The following RAP1GAP2 variants were observed in gnomAD, a reference collection of about 807,000 sequenced individuals.
The protein encoded by RAP1GAP2 is rap1 GTPase-activating protein 2.
In RAP1GAP2, 27 loss-of-function variants were observed where a neutral mutation model predicts 95.0. The ratio of observed to expected loss-of-function variants is 0.28; its 90% confidence interval spans 0.21 to 0.39. RAP1GAP2 has a LOEUF of 0.39. RAP1GAP2 is among the 10% of genes least tolerant of loss of function. The pLI is 1.00. For missense variants in RAP1GAP2, 771 were observed against 970.0 expected (o/e 0.79, Z 2.72); for synonymous variants, 373 against 380.9 (o/e 0.98, Z 0.24).
chr17:2,922,503 C>G (rs75508303), intron 3 of RAP1GAP2, among the ~76,000 whole-genome samples: 5,009 of 152,216 alleles, frequency 0.033, 122 homozygotes, highest in African/African-American at 0.068. Flanking sequence ...TGGTGAGGTC[C>G]CCGAGGTCTG....
chr17:2,996,652 C>T (rs34348609), intron 13 of RAP1GAP2, among the ~76,000 whole-genome samples: 10,670 of 152,334 alleles, frequency 0.07, 439 homozygotes, highest in East Asian at 0.2. Context: ...CCTGCTGCCC[C>T]GGCCTGGGCC....
Position 3,029,339 on chromosome 17 carries a change from CT to C in RAP1GAP2, c.2108-1582del. Among the ~76,000 whole-genome samples, 1 of 152,156 alleles carries C rather than the reference CT, an allele frequency of 6.6e-6. No individual in the cohort carries two copies. On this transcript the variant is annotated intron_variant, in intron 22 of 24. Transcript: ENST00000254695. This position sits in a 1 kb window ranked among gnomAD's most constrained non-coding sequence, Gnocchi z 4.4. ...GTGCTTCCCACACCACACGGTGAGG[CT>C]GCCTCTTACACACCTTTTCTCCACA...
rs186391210 is a variant in RAP1GAP2 at position 2,919,857 on chromosome 17, T to C, written c.165+14489T>C. Among the ~76,000 whole-genome samples, 766 of 151,570 alleles carry C rather than the reference T, an allele frequency of 5.1e-3. 3 individuals are homozygous for C. Among genetic ancestry groups the C allele is most frequent in the African/African-American group, 0.018 (727 of 41,268 alleles). ...AGCTGGGATTACAGGCACCGCCCCA[T>C]ACCTGGTTAATTTTTGTATTTGTAG... On this transcript the variant is annotated intron_variant, in intron 3 of 24. Coordinates refer to ENST00000254695, the MANE Select transcript of RAP1GAP2 (RefSeq NM_015085.5).
chr17:2,778,983 G>A (rs937334884), intron 1 of RAP1GAP2, among the ~76,000 whole-genome samples: 2 of 152,198 alleles, frequency 1.3e-5, no homozygotes, highest in East Asian at 1.9e-4. Flanking sequence ...ATTCGCTCCC[G>A]TGTGGACTTC....
intron 17 of RAP1GAP2, 146 bp from the exon 18 acceptor site, chr17:3,017,915 C>CTG (rs1191051416): frequency 1.5e-5 from 9 of 584,938 alleles, no homozygotes; most frequent in African/African-American, 2.6e-5. Context: ...GCCTCTGTGA[C>CTG]CGTGTGTGTG....
intron 3 of RAP1GAP2, among the ~76,000 whole-genome samples, chr17:2,944,947 A>G (rs554215624): frequency 6.7e-4 from 102 of 152,278 alleles, no homozygotes; most frequent in Non-Finnish European, 8.7e-4. Flanking sequence ...CAGTGGCACT[A>G]TCTCGGCTCA....
At chr17:2,826,147 A>ATTTTT (rs71150901) in intron 2 of RAP1GAP2, among the ~76,000 whole-genome samples, 95 of 108,838 alleles carry the variant, frequency 8.7e-4, no homozygotes, top group Non-Finnish European at 1.1e-3. Context: ...CGCCCAGCAA[A>ATTTTT]TTTTTTTTTT....
intron 1 of RAP1GAP2, among the ~76,000 whole-genome samples, chr17:2,780,670 G>A (rs989489090): frequency 3.3e-5 from 5 of 152,240 alleles, no homozygotes; most frequent in Admixed American, 1.3e-4. Flanking sequence ...CTGCCTGCAG[G>A]CAGGGTCACA....
chr17:2,996,737 C>T (rs768345513), intron 13 of RAP1GAP2, among the ~76,000 whole-genome samples: 1 of 152,224 alleles, frequency 6.6e-6, no homozygotes, highest in Non-Finnish European at 1.5e-5. Context: ...CAGGGCTCGG[C>T]TCTTGGCGGG....
chr17:2,953,325 G>A (rs2043983549), intron 3 of RAP1GAP2, among the ~76,000 whole-genome samples: 1 of 151,896 alleles, frequency 6.6e-6, no homozygotes, highest in African/African-American at 2.4e-5. Context: ...TCAGCCTCCT[G>A]TGTAGCTAGG....
At position 3,018,198 on chromosome 17, in the gene RAP1GAP2, G is replaced by A. The variant is rs1449064561; in HGVS notation, c.1632G>A (p.Ser544=). ...NSMEVTKTTF[S]PPVVAATVKN... is the part of the protein sequence containing the mutation. ...TGGAGGTCACCAAGACCACCTTCTC[G>A]GTGAGTGCTGGCAGGCCCCGGGGCG... Residue 544 remains serine, a splice_region_variant and synonymous_variant, in exon 18 of 25, where the codon TCG becomes TCA. Coordinates refer to ENST00000254695, the MANE Select transcript of RAP1GAP2 (RefSeq NM_015085.5). 3.8e-6 allele frequency: 6 copies of A among 1,564,364 alleles called. No individual in the cohort carries two copies. Among genetic ancestry groups the A allele is most frequent in the East Asian group, 2.4e-5 (1 of 41,670 alleles).
In RAP1GAP2 at chr17:2,949,482, T is replaced by C. The variant is rs115354357; in HGVS notation, c.166-8277T>C. Among the ~76,000 whole-genome samples, 526 of 152,040 alleles carry C rather than the reference T, an allele frequency of 3.5e-3. 4 individuals carry two copies. The highest frequency in any genetic ancestry group is 0.012 in the African/African-American group (477 of 41,448). ...CCCTGAGCATTAACTGAGTGCCTGT[T>C]GTGTGCCCTGAGCATTAACTGAGTG... On this transcript the variant is annotated intron_variant, in intron 3 of 24. Coordinates refer to ENST00000254695, the MANE Select transcript of RAP1GAP2 (RefSeq NM_015085.5).
chr17:2,991,671 A>G (rs1382255482), intron 12 of RAP1GAP2, among the ~76,000 whole-genome samples: 1 of 152,196 alleles, frequency 6.6e-6, no homozygotes, highest in Non-Finnish European at 1.5e-5. Flanking sequence ...CTGAGAATGG[A>G]AGGAATCCAC....
At position 2,914,576 on chromosome 17, in the gene RAP1GAP2, T is replaced by C. The variant is rs184888517; in HGVS notation, c.165+9208T>C. On this transcript the variant is annotated intron_variant, in intron 3 of 24. Transcript: ENST00000254695. ...CCCGATCTCAGCTCACTGCAAGCTC[T>C]GCCTCCTGGGTTCACACCATTCTCC... Among the ~76,000 whole-genome samples the C allele has an allele frequency of 8.9e-4, 134 of 151,058 alleles. No individual in the cohort carries two copies. In the East Asian group the frequency reaches 0.022, roughly 25 times the overall value.
chr17:2,833,617 G>T (rs1394276697), intron 2 of RAP1GAP2, among the ~76,000 whole-genome samples: 3 of 149,496 alleles, frequency 2.0e-5, no homozygotes, highest in Non-Finnish European at 3.0e-5. Flanking sequence ...ATGAACCTGG[G>T]AGGCGGAGCT....
chr17:2,886,774 G>T (rs1488709302), intron 2 of RAP1GAP2, among the ~76,000 whole-genome samples: 2 of 152,156 alleles, frequency 1.3e-5, no homozygotes, highest in African/African-American at 2.4e-5. Context: ...CACCAGAGCG[G>T]CAGGGGTCGG....
chr17:2,836,343 T>G (rs986606696), intron 2 of RAP1GAP2, among the ~76,000 whole-genome samples: 1 of 151,906 alleles, frequency 6.6e-6, no homozygotes, highest in Admixed American at 6.6e-5. Flanking sequence ...TTAAGGAACC[T>G]GGCTTTGGCC....
chr17:2,985,569 C>T lies in RAP1GAP2; in HGVS notation c.813+503C>T, dbSNP rs187716783. Among the ~76,000 whole-genome samples the T allele has an allele frequency of 2.0e-5, 3 of 152,282 alleles. No individual in the cohort carries two copies. In the East Asian group the frequency reaches 5.8e-4, roughly 29 times the overall value. ...GAAGTATTTACACTATGGAAATTTG[C>T]AAACACCAGGGTTTCTATCTTCCTC... On this transcript the variant is annotated intron_variant, in intron 11 of 24. Transcript: ENST00000254695.
chr17:2,903,629 GAA>G lies in RAP1GAP2; in HGVS notation c.81-1653_81-1652del, dbSNP rs1294261691. On this transcript the variant is annotated intron_variant, in intron 2 of 24. Coordinates refer to ENST00000254695, the MANE Select transcript of RAP1GAP2 (RefSeq NM_015085.5). The surrounding 1 kb of genome is among the most constrained non-coding windows in gnomAD (Gnocchi z 4.1). ...TACATCAACAAGGTCCAGGAAGAAA[GAA>G]AGAGGAAGGGAGATGGGGAGCAGGA... is the stretch of plus-strand genomic sequence containing the variant. Among the ~76,000 whole-genome samples the G allele has an allele frequency of 2.0e-5, 3 of 152,236 alleles. No individual in the cohort carries two copies. The highest frequency in any genetic ancestry group is 1.3e-4 in the Admixed American group (2 of 15,290).
Sources: gnomAD v4.1 joint callset for allele counts (sites outside exome capture counted in the v4.1 genomes callset) on GRCh38, gnomAD v4.1.1 for gene constraint, Gnocchi (gnomAD v3.1) non-coding constraint, MANE v1.5 for transcripts, NCBI Gene and HGNC (gene_info 2026-07-23, HGNC 2026-07-21) for gene names.